The following CEP128 variants were observed in gnomAD, a reference collection of about 807,000 sequenced individuals.
CEP128 encodes the protein centrosomal protein 128kDa.
In CEP128, 132 loss-of-function variants were observed where a neutral mutation model predicts 156.7. The observed-to-expected ratio is 0.84, with a 90% CI of 0.73 to 0.97. The LOEUF is 0.97. Ranked by LOEUF, CEP128 falls within the 50% of genes least tolerant of loss-of-function variation. The pLI is 0.00. For missense variants in CEP128, 1,252 were observed against 1,281.9 expected (o/e 0.98, Z 0.36); for synonymous variants, 469 against 448.9 (o/e 1.04, Z -0.57).
chr14:80,743,040 A>G (rs1898911667), intron 19 of CEP128, 35 bp downstream of exon 19: 3 of 1,592,868 alleles, frequency 1.9e-6, no homozygotes, highest in African/African-American at 2.7e-5. Flanking sequence ...CCATAAATAT[A>G]AACAAAGAAA....
In CEP128 at chr14:80,743,207, G is replaced by A. The variant is rs144928653; in HGVS notation, c.2674C>T (p.Arg892Ter). The A allele has an allele frequency of 5.1e-5, 83 of 1,613,302 alleles. No individual in the cohort carries two copies. Among genetic ancestry groups the A allele is most frequent in the Admixed American group, 1.8e-4 (11 of 59,916 alleles). The change falls in exon 19 of 25, where the codon CGA becomes TGA. Residue 892 changes from arginine to a stop codon, truncating the protein, a stop_gained. Coordinates refer to ENST00000555265, the MANE Select transcript of CEP128 (RefSeq NM_152446.5). LOFTEE classifies it high-confidence loss of function. ...TGTCTGCAGAGCATCAGCTGGTGTCGCAGATTTTTCTCTCTGTTTTCTCTC... is the reference window on the plus strand; with the variant it reads ...TGTCTGCAGAGCATCAGCTGGTGTCACAGATTTTTCTCTCTGTTTTCTCTC... ...KERENREKNL[R>*]HQLMLCRQQL...
chr14:80,649,234 T>C (rs1172599647), intron 19 of CEP128, among the ~76,000 whole-genome samples: 1 of 151,996 alleles, frequency 6.6e-6, no homozygotes, highest in Admixed American at 6.6e-5. Context: ...ACCCTCCAAT[T>C]TTATACCTTC....
At chr14:80,829,978 A>G (rs1885695969) in intron 13 of CEP128, among the ~76,000 whole-genome samples, 1 of 152,156 alleles carries the variant, frequency 6.6e-6, no homozygotes, top group African/African-American at 2.4e-5. Context: ...GGGAGGACCA[A>G]TGTGTGGTTA....
intron 15 of CEP128, 133 bp from the exon 16 acceptor site, chr14:80,778,179 A>G: frequency 1.4e-6 from 1 of 706,714 alleles, no homozygotes. Context: ...TATAAATATT[A>G]AAATAAACAC....
intron 4 of CEP128, 117 bp from the exon 5 acceptor site, chr14:80,906,198 G>T (rs749907055): frequency 2.8e-6 from 2 of 716,954 alleles, no homozygotes; most frequent in Non-Finnish European, 4.1e-6. Flanking sequence ...CCAAAAAAAG[G>T]TATCAGAAAA....
chr14:80,633,324 G>A (rs1038976397), intron 19 of CEP128, among the ~76,000 whole-genome samples: 18 of 152,156 alleles, frequency 1.2e-4, no homozygotes, highest in African/African-American at 4.8e-5. Flanking sequence ...ACAGGGGTCC[G>A]ATATGTCAAT....
At chr14:80,485,117 C>A (rs1887134262) in intron 14 of CEP128, among the ~76,000 whole-genome samples, 1 of 152,094 alleles carries the variant, frequency 6.6e-6, no homozygotes, top group Admixed American at 6.5e-5. Context: ...ATGAGAAGTT[C>A]AGCCCATATC....
At chr14:80,788,024 GT>G (rs1167215886) in intron 14 of CEP128, among the ~76,000 whole-genome samples, 3 of 152,112 alleles carry the variant, frequency 2.0e-5, no homozygotes, top group Non-Finnish European at 4.4e-5. Context: ...AGGGCAGACA[GT>G]CACAGACCAT....
chr14:80,787,670 C>T (rs186735753), intron 14 of CEP128, among the ~76,000 whole-genome samples: 6 of 152,104 alleles, frequency 3.9e-5, no homozygotes, highest in Middle Eastern at 3.4e-3. Context: ...AGGGACTGAG[C>T]GAGGGTAGGG....
chr14:80,500,929 T>A (rs1887702547), intron 24 of CEP128, among the ~76,000 whole-genome samples: 1 of 152,210 alleles, frequency 6.6e-6, no homozygotes, highest in South Asian at 2.1e-4. Context: ...CCTGGGTTTA[T>A]TAATTGACTC....
intron 19 of CEP128, among the ~76,000 whole-genome samples, chr14:80,602,056 A>G (rs1313153775): frequency 6.6e-6 from 1 of 152,232 alleles, no homozygotes; most frequent in African/African-American, 2.4e-5. Context: ...AGTTATACTA[A>G]TATCAAACAA....
chr14:80,728,382 G>A (rs1463869455), intron 19 of CEP128, among the ~76,000 whole-genome samples: 2 of 152,096 alleles, frequency 1.3e-5, no homozygotes, highest in Non-Finnish European at 2.9e-5. Flanking sequence ...ATGGGAGAGG[G>A]GTGAGGATGG....
chr14:80,622,882 A>C (rs1893546340), intron 19 of CEP128, among the ~76,000 whole-genome samples: 1 of 150,440 alleles, frequency 6.6e-6, no homozygotes, highest in Admixed American at 6.6e-5. Context: ...TAGTTCAACC[A>C]TTGTGGAAGT....
chr14:80,601,289 T>C (rs1892571514), intron 19 of CEP128, among the ~76,000 whole-genome samples: 2 of 152,126 alleles, frequency 1.3e-5, no homozygotes. Context: ...CTGAGAAGTG[T>C]GGTGTTCTGA....
At chr14:80,894,304 T>C (rs1277324962) in intron 8 of CEP128, among the ~76,000 whole-genome samples, 7 of 151,980 alleles carry the variant, frequency 4.6e-5, no homozygotes, top group African/African-American at 4.8e-5. Flanking sequence ...TATTACTTAG[T>C]AAGTTAAAGA....
At chr14:80,668,521 T>A (rs1300660205) in intron 19 of CEP128, among the ~76,000 whole-genome samples, 2 of 152,130 alleles carry the variant, frequency 1.3e-5, no homozygotes, top group African/African-American at 4.8e-5. Context: ...AGAGAGATTG[T>A]TAAAAATAAC....
At chr14:80,762,927 A>G (rs1900043673) in intron 16 of CEP128, among the ~76,000 whole-genome samples, 1 of 152,204 alleles carries the variant, frequency 6.6e-6, no homozygotes, top group Non-Finnish European at 1.5e-5. Context: ...TCAGCAGCAG[A>G]GTAACATTAA....
chr14:80,749,663 T>C (rs577899610), intron 18 of CEP128, among the ~76,000 whole-genome samples: 1 of 152,224 alleles, frequency 6.6e-6, no homozygotes, highest in East Asian at 1.9e-4. Context: ...TGCATATGGT[T>C]AATGGGTATA....
intron 19 of CEP128, among the ~76,000 whole-genome samples, chr14:80,634,429 A>T (rs963682056): frequency 6.6e-6 from 1 of 152,264 alleles, no homozygotes; most frequent in Non-Finnish European, 1.5e-5. Flanking sequence ...AAAAGTTTTG[A>T]AAGTGGTACT....
Sources: gnomAD v4.1 joint callset for allele counts (sites outside exome capture counted in the v4.1 genomes callset) on GRCh38, gnomAD v4.1.1 for gene constraint, MANE v1.5 for transcripts, NCBI Gene and HGNC (gene_info 2026-07-23, HGNC 2026-07-21) for gene names.